Variants in PIK3C2G observed in about 807,000 individuals in gnomAD.
PIK3C2G encodes phosphatidylinositol 3-kinase C2 domain-containing subunit gamma.
A neutral mutation model predicts 181.1 loss-of-function variants in PIK3C2G; 168 were observed. The observed-to-expected ratio is 0.93, with a 90% CI of 0.82 to 1.05. The LOEUF is 1.05. Among genes scored for constraint, PIK3C2G ranks in the 50% least tolerant of loss-of-function variants. The pLI is 0.00. For missense variants in PIK3C2G, 1,869 were observed against 1,732.8 expected (o/e 1.08, Z -1.40); for synonymous variants, 573 against 592.2 (o/e 0.97, Z 0.47).
At chr12:18,726,735 T>A in the PIK3C2G span, among the ~76,000 whole-genome samples, 1 of 152,196 alleles carries the variant, frequency 6.6e-6, no homozygotes. Context: ...AAACAGAATT[T>A]ACTTTTAATG....
At chr12:18,466,174 T>C (rs1044937413) in intron 18 of PIK3C2G, among the ~76,000 whole-genome samples, 1 of 151,762 alleles carries the variant, frequency 6.6e-6, no homozygotes, top group African/African-American at 2.4e-5. Flanking sequence ...TTTTATTATT[T>C]ATTCTGTTAG....
In PIK3C2G at chr12:18,282,634, G is replaced by A. The variant is rs1949269241; in HGVS notation, c.553G>A (p.Asp185Asn). 1 of 1,613,336 alleles carries A rather than the reference G, an allele frequency of 6.2e-7. No homozygotes were observed. The highest frequency in any genetic ancestry group is 8.5e-7 in the Non-Finnish European group (1 of 1,179,360). ...TCCAACAAATTCATCCTTCTCAAGT[G>A]ACTTCATGCCGAAAGAAGAGAATAA... Reference protein sequence around the residue: ...IPPTNSSFSSDFMPKEENKRS... With the variant: ...IPPTNSSFSSNFMPKEENKRS... Residue 185 changes from aspartate (D) to asparagine (N), a missense_variant, in exon 2 of 33, where the codon GAC becomes AAC. Physicochemically the swap from Asp to Asn is conservative, Grantham distance 23. Coordinates refer to ENST00000538779, the MANE Select transcript of PIK3C2G (RefSeq NM_001288772.2).
At chr12:18,726,728 C>T in the PIK3C2G span, among the ~76,000 whole-genome samples, 2 of 152,094 alleles carry the variant, frequency 1.3e-5, no homozygotes, top group Non-Finnish European at 1.5e-5. Context: ...TTTATCAAAA[C>T]AGAATTTACT....
chr12:18,559,857 G>GAGAGAGAGAC (rs1255941395), intron 26 of PIK3C2G, among the ~76,000 whole-genome samples: 1 of 130,104 alleles, frequency 7.7e-6, no homozygotes, highest in African/African-American at 2.9e-5. Flanking sequence ...GAGAGAGAGA[G>GAGAGAGAGAC]AGAGAGAGAC....
intron 29 of PIK3C2G, among the ~76,000 whole-genome samples, chr12:18,589,816 A>G (rs1208110419): frequency 6.6e-6 from 1 of 151,942 alleles, no homozygotes; most frequent in East Asian, 1.9e-4. Context: ...CTCCATTTTC[A>G]TCTTTCTTAA....
chr12:18,244,419 T>C (rs1948018139), upstream of PIK3C2G, among the ~76,000 whole-genome samples: 1 of 152,026 alleles, frequency 6.6e-6, no homozygotes, highest in Non-Finnish European at 1.5e-5. Flanking sequence ...GATAAATTGC[T>C]TAAAAGGTAT....
chr12:18,612,883 C>T (rs1948413501), intron 31 of PIK3C2G, among the ~76,000 whole-genome samples: 1 of 152,010 alleles, frequency 6.6e-6, no homozygotes, highest in African/African-American at 2.4e-5. Flanking sequence ...TACTTTCCTC[C>T]TGTGAGATCA....
chr12:18,480,914 G>GTTTTTTAT (rs1258000490), intron 18 of PIK3C2G, among the ~76,000 whole-genome samples: 1 of 151,870 alleles, frequency 6.6e-6, no homozygotes. Flanking sequence ...TCACCCTTGA[G>GTTTTTTAT]TTTTTTATTT....
intron 18 of PIK3C2G, among the ~76,000 whole-genome samples, chr12:18,461,840 C>G (rs1389186710): frequency 6.6e-6 from 1 of 152,092 alleles, no homozygotes; most frequent in East Asian, 1.9e-4. Context: ...TATAAGCTAC[C>G]CAGTGCATGG....
At chr12:18,665,015 G>T in the PIK3C2G span, among the ~76,000 whole-genome samples, 1 of 107,248 alleles carries the variant, frequency 9.3e-6, no homozygotes, top group South Asian at 4.5e-4. Flanking sequence ...TGTGGGGTGG[G>T]GGGAGGGGGG....
At chr12:18,537,785 G>A (rs557444489) in intron 24 of PIK3C2G, among the ~76,000 whole-genome samples, 6 of 151,856 alleles carry the variant, frequency 4.0e-5, no homozygotes, top group East Asian at 1.9e-4. Context: ...ACATCTGTTC[G>A]ATCATATCAA....
the PIK3C2G span, among the ~76,000 whole-genome samples, chr12:18,687,011 C>G: frequency 2.0e-5 from 3 of 151,994 alleles, no homozygotes; most frequent in African/African-American, 7.2e-5. Context: ...ATGGAGGGAA[C>G]AAGAGATAGA....
intron 30 of PIK3C2G, among the ~76,000 whole-genome samples, chr12:18,604,655 G>A (rs892619026): frequency 6.6e-6 from 1 of 152,090 alleles, no homozygotes; most frequent in Non-Finnish European, 1.5e-5. Flanking sequence ...CATAAAATGA[G>A]CCTCAATAAA....
At chr12:18,355,598 G>T (rs1940649701) in intron 11 of PIK3C2G, among the ~76,000 whole-genome samples, 1 of 152,056 alleles carries the variant, frequency 6.6e-6, no homozygotes, top group African/African-American at 2.4e-5. Flanking sequence ...CTACCCTGGG[G>T]CCTGGGCAGC....
At chr12:18,403,167 T>A (rs927709219) in intron 16 of PIK3C2G, among the ~76,000 whole-genome samples, 22 of 152,190 alleles carry the variant, frequency 1.4e-4, no homozygotes, top group African/African-American at 5.3e-4. Flanking sequence ...TGCTCAGATG[T>A]TTCTACTTCA....
the PIK3C2G span, among the ~76,000 whole-genome samples, chr12:18,670,826 G>A: frequency 6.6e-6 from 1 of 152,084 alleles, no homozygotes; most frequent in Non-Finnish European, 1.5e-5. Flanking sequence ...TCTTTCAAAT[G>A]AGCTCCTTTA....
chr12:18,564,913 C>G (rs1398697922), intron 28 of PIK3C2G, among the ~76,000 whole-genome samples: 1 of 152,142 alleles, frequency 6.6e-6, no homozygotes, highest in Non-Finnish European at 1.5e-5. Flanking sequence ...CAATACATAT[C>G]AGTATAACTT....
rs370783463 is a variant in PIK3C2G at position 18,421,019 on chromosome 12, C to A, written c.2394C>A (p.Leu798=). ...NLLNDELLEY[L]PQLVQAVKFE... is the part of the protein sequence containing the mutation. Reference sequence around the variant, plus strand: ...TGAATGATGAACTACTGGAATATCTCCCACAGCTAGTTCAGGTAAGAATAG... The same window carrying A: ...TGAATGATGAACTACTGGAATATCTACCACAGCTAGTTCAGGTAAGAATAG... The change falls in exon 17 of 33, where the codon CTC becomes CTA. Residue 798 remains leucine, a synonymous_variant. Transcript: ENST00000538779. 46 of 1,577,828 alleles carry A rather than the reference C, an allele frequency of 2.9e-5. No individual in the cohort carries two copies. The highest frequency in any genetic ancestry group is 3.8e-5 in the Non-Finnish European group (44 of 1,147,574).
chr12:18,271,388 C>CT (rs1948739384), intron 1 of PIK3C2G, among the ~76,000 whole-genome samples: 1 of 152,078 alleles, frequency 6.6e-6, no homozygotes, highest in African/African-American at 2.4e-5. Context: ...TCATTTATTC[C>CT]TTTTAGTAAT....
Sources: allele counts gnomAD v4.1 joint callset (sites outside exome capture counted in the v4.1 genomes callset), GRCh38; gene constraint gnomAD v4.1.1; transcripts MANE v1.5; gene names NCBI Gene and HGNC (gene_info 2026-07-23, HGNC 2026-07-21).